The following KLHL6 variants were observed in gnomAD, a reference collection of about 807,000 sequenced individuals.
KLHL6 encodes kelch-like protein 6.
Under a neutral mutation model 58.6 loss-of-function variants are expected in KLHL6, and 41 were observed. The observed-to-expected ratio is 0.70, with a 90% confidence interval of 0.55 to 0.91. The LOEUF is 0.91. Among genes scored for constraint, KLHL6 ranks in the 40% least tolerant of loss-of-function variants. The pLI is 0.00. For missense variants in KLHL6, 714 were observed against 805.6 expected (o/e 0.89, Z 1.38); for synonymous variants, 338 against 322.7 (o/e 1.05, Z -0.51).
At chr3:183,529,185 A>G (rs1712077571) in intron 1 of KLHL6, among the ~76,000 whole-genome samples, 1 of 152,250 alleles carries the variant, frequency 6.6e-6, no homozygotes, top group African/African-American at 2.4e-5. Context: ...ATCAGGAAAA[A>G]TAACTAATGA....
At chr3:183,528,281 A>C (rs1712046303) in intron 1 of KLHL6, among the ~76,000 whole-genome samples, 1 of 152,210 alleles carries the variant, frequency 6.6e-6, no homozygotes, top group African/African-American at 2.4e-5. Flanking sequence ...TATTGGCTCA[A>C]AGTGCAGGAG....
intron 3 of KLHL6, among the ~76,000 whole-genome samples, chr3:183,501,596 C>G (rs1490850929): frequency 6.6e-6 from 1 of 152,180 alleles, no homozygotes; most frequent in Non-Finnish European, 1.5e-5. Context: ...ACTGGACTAG[C>G]CGTGATCTTA....
At chr3:183,555,136 G>A (rs1042143256) in intron 1 of KLHL6, among the ~76,000 whole-genome samples, 1 of 152,238 alleles carries the variant, frequency 6.6e-6, no homozygotes, top group African/African-American at 2.4e-5. Context: ...TTGCACTCCA[G>A]CCTGGGCAAC....
At chr3:183,544,163 CAAAA>C (rs56357226) in intron 1 of KLHL6, among the ~76,000 whole-genome samples, 1 of 57,010 alleles carries the variant, frequency 1.8e-5, no homozygotes, top group Non-Finnish European at 3.5e-5. Flanking sequence ...AACTCAGTCT[CAAAA>C]AAAAAAAAAA....
rs1184757002 is a variant in KLHL6 at position 183,515,073 on chromosome 3, A to C, written c.460-6565T>G. 2.6e-5 allele frequency among the ~76,000 whole-genome samples: 4 copies of C among 152,120 alleles called. No homozygotes were observed. In the East Asian group the frequency reaches 7.7e-4, roughly 29 times the overall value. On this transcript the variant is annotated intron_variant, in intron 2 of 6. Coordinates refer to ENST00000341319, the MANE Select transcript of KLHL6 (RefSeq NM_130446.4). ...GTATGTGAACATTTGCACATGTGGC[A>C]TTTTTCTGGGAACTTAGTTGGCAGG...
intron 1 of KLHL6, among the ~76,000 whole-genome samples, chr3:183,545,844 C>T (rs1712701079): frequency 6.6e-6 from 1 of 152,242 alleles, no homozygotes; most frequent in Non-Finnish European, 1.5e-5. Flanking sequence ...GTGATAGCCA[C>T]ATTTTATCAT....
chr3:183,553,681 G>A (rs1247746456), intron 1 of KLHL6, among the ~76,000 whole-genome samples: 1 of 152,110 alleles, frequency 6.6e-6, no homozygotes, highest in African/African-American at 2.4e-5. Flanking sequence ...CAGACCTAGT[G>A]GCAGCTTGCA....
chr3:183,503,054 G>A lies in KLHL6; in HGVS notation c.910-3227C>T, dbSNP rs372827921. 7.2e-5 allele frequency among the ~76,000 whole-genome samples: 11 copies of A among 152,352 alleles called. No homozygotes were observed. In the East Asian group the frequency reaches 1.2e-3, roughly 16 times the overall value. On this transcript the variant is annotated intron_variant, in intron 3 of 6. Coordinates refer to ENST00000341319, the MANE Select transcript of KLHL6 (RefSeq NM_130446.4). Reference sequence around the variant, plus strand: ...CAAATGTCAATCTGAAGTCTGAGACGTGCCACTTTGTTGCAGACATATGGA... The same window carrying A: ...CAAATGTCAATCTGAAGTCTGAGACATGCCACTTTGTTGCAGACATATGGA...
chr3:183,502,052 G>A (rs535826001), intron 3 of KLHL6, among the ~76,000 whole-genome samples: 3 of 152,188 alleles, frequency 2.0e-5, no homozygotes, highest in African/African-American at 7.2e-5. Context: ...CACTTTGGGA[G>A]GTCGAGGCAG....
In KLHL6 at chr3:183,498,830, C is replaced by T. The variant is rs1440499221; in HGVS notation, c.1147+760G>A. ...CGATCAATACTGAAGCAAACACTTT[C>T]GTAATGAAAAAGTATTGGGCCCTAC... On this transcript the variant is annotated intron_variant, in intron 4 of 6. Transcript: ENST00000341319. 2.6e-5 allele frequency among the ~76,000 whole-genome samples: 4 copies of T among 152,258 alleles called. No individual in the cohort carries two copies. In the East Asian group the frequency reaches 7.7e-4, roughly 29 times the overall value.
chr3:183,492,608 CTG>C lies in KLHL6; in HGVS notation c.1448_1449del (p.Thr483ArgfsTer7), dbSNP rs1390843327. On this transcript the variant is annotated frameshift_variant, in exon 6 of 7. Coordinates refer to ENST00000341319, the MANE Select transcript of KLHL6 (RefSeq NM_130446.4). LOFTEE classifies it high-confidence loss of function. The surrounding 1 kb of genome is among the most constrained non-coding windows in gnomAD (Gnocchi z 5.9). The stretch of plus-strand genomic sequence containing the variant: ...GAAGGGTCATAACACTGAGTCTTGT[CTG>C]TGGCCAGTTTCCCATTGGGCCCTCC... ...IGGGPNGKLA[T>X]DKTQCYDPST... 2 of 1,614,114 alleles carry C rather than the reference CTG, an allele frequency of 1.2e-6. No individual in the cohort carries two copies. Among genetic ancestry groups the C allele is most frequent in the African/African-American group, 2.7e-5 (2 of 74,960 alleles).
chr3:183,510,312 T>A (rs977343378), intron 2 of KLHL6, among the ~76,000 whole-genome samples: 1 of 62,946 alleles, frequency 1.6e-5, no homozygotes, highest in African/African-American at 6.1e-5. Context: ...CTGGTGGGGG[T>A]GGGGGAGGCC....
chr3:183,529,273 C>T (rs537928574), intron 1 of KLHL6, among the ~76,000 whole-genome samples: 24 of 151,938 alleles, frequency 1.6e-4, no homozygotes, highest in Non-Finnish European at 2.8e-4. Flanking sequence ...ATATAACAAA[C>T]CTAAATACCC....
chr3:183,527,713 TG>T, intron 2 of KLHL6, 131 bp downstream of exon 2: 2 of 724,246 alleles, frequency 2.8e-6, no homozygotes, highest in Non-Finnish European at 4.6e-6. Flanking sequence ...TGTGTGTGTG[TG>T]TTTGTGTGCG....
rs932783119 is a variant in KLHL6, at chr3:183,524,741, A to G, written c.459+3104T>C. On this transcript the variant is annotated intron_variant, in intron 2 of 6. Transcript: ENST00000341319. ...CACTAAGGGCAGCTGAGTCACACCA[A>G]TGGTGAAAATTAAGAAGCGTTTATT... 3.9e-5 allele frequency among the ~76,000 whole-genome samples: 6 copies of G among 152,320 alleles called. No homozygotes were observed. In the South Asian group the frequency reaches 8.3e-4, roughly 21 times the overall value.
chr3:183,545,150 C>T (rs1198535277), intron 1 of KLHL6, among the ~76,000 whole-genome samples: 1 of 152,158 alleles, frequency 6.6e-6, no homozygotes. Context: ...CATCCCAGCC[C>T]TTCCTATGAT....
At chr3:183,513,337 G>T (rs1337479784) in intron 2 of KLHL6, among the ~76,000 whole-genome samples, 2 of 152,234 alleles carry the variant, frequency 1.3e-5, no homozygotes, top group Non-Finnish European at 2.9e-5. Flanking sequence ...GTTAATAAAA[G>T]ATAGAAGCAA....
chr3:183,534,666 G>T (rs550989668), intron 1 of KLHL6, among the ~76,000 whole-genome samples: 7 of 152,016 alleles, frequency 4.6e-5, no homozygotes, highest in African/African-American at 1.7e-4. Context: ...GTCTCCCAAA[G>T]TGAGGGATTA....
At chr3:183,532,219 C>A (rs950075054) in intron 1 of KLHL6, among the ~76,000 whole-genome samples, 1 of 152,048 alleles carries the variant, frequency 6.6e-6, no homozygotes, top group Non-Finnish European at 1.5e-5. Context: ...GATTCCACAC[C>A]CACCTCACCA....
Sources: gnomAD v4.1 joint callset for allele counts (sites outside exome capture counted in the v4.1 genomes callset) on GRCh38, gnomAD v4.1.1 for gene constraint, Gnocchi (gnomAD v3.1) non-coding constraint, MANE v1.5 for transcripts, NCBI Gene and HGNC (gene_info 2026-07-23, HGNC 2026-07-21) for gene names.